Variants in CFAP57 observed in about 807,000 individuals in gnomAD.
CFAP57 encodes cilia and flagella associated protein 57.
In CFAP57, 116 loss-of-function variants were observed where a neutral mutation model predicts 146.8. The observed-to-expected ratio is 0.79, with a 90% CI of 0.68 to 0.92. The LOEUF (loss-of-function observed/expected upper bound fraction) is 0.92. Among genes scored for constraint, CFAP57 ranks in the 40% least tolerant of loss-of-function variants. CFAP57 has a pLI of 0.00. For synonymous variants in CFAP57, 518 were observed against 552.8 expected (o/e 0.94, Z 0.88); for missense variants, 1,377 against 1,527.2 (o/e 0.90, Z 1.64).
intron 2 of CFAP57, among the ~76,000 whole-genome samples, chr1:43,175,420 A>C (rs999768834): frequency 1.3e-5 from 2 of 152,004 alleles, no homozygotes; most frequent in African/African-American, 4.8e-5. Context: ...TCCTGGATCT[A>C]AGGACAGGTA....
intron 22 of CFAP57, among the ~76,000 whole-genome samples, chr1:43,252,763 C>T (rs1646356238): frequency 6.6e-6 from 1 of 152,076 alleles, no homozygotes; most frequent in South Asian, 2.1e-4. Context: ...TCCAAAATTG[C>T]ATAGGCAGAT....
At chr1:43,243,764 C>T (rs1646014716) in intron 22 of CFAP57, among the ~76,000 whole-genome samples, 1 of 152,128 alleles carries the variant, frequency 6.6e-6, no homozygotes, top group Non-Finnish European at 1.5e-5. Context: ...GATCTTCTTG[C>T]ATTTTAGAAT....
At chr1:43,242,772 C>T (rs1210814858) in intron 21 of CFAP57, among the ~76,000 whole-genome samples, 1 of 152,150 alleles carries the variant, frequency 6.6e-6, no homozygotes, top group South Asian at 2.1e-4. Flanking sequence ...AAGTCATATA[C>T]CTCTCTGTGC....
At chr1:43,248,877 A>C in intron 22 of CFAP57, among the ~76,000 whole-genome samples, 1 of 12,992 alleles carries the variant, frequency 7.7e-5, no homozygotes, top group East Asian at 0.045. Context: ...CCATATCATA[A>C]CCTTTTTTTA....
At chr1:43,210,313 A>G (rs1644547752) in intron 11 of CFAP57, 3 of 1,415,650 alleles carry the variant, frequency 2.1e-6, no homozygotes, top group Middle Eastern at 2.6e-4. Flanking sequence ...TGAGGGTACA[A>G]AAGGCCACCC....
At chr1:43,178,002 G>A (rs1288204312) in intron 2 of CFAP57, among the ~76,000 whole-genome samples, 1 of 152,118 alleles carries the variant, frequency 6.6e-6, no homozygotes, top group African/African-American at 2.4e-5. Context: ...TTGGAGGAGT[G>A]GCCAAAAAGA....
At position 43,222,289 on chromosome 1, in the gene CFAP57, G is replaced by A. The variant is rs527492893; in HGVS notation, c.2526G>A (p.Leu842=). The A allele has an allele frequency of 1.1e-4, 156 of 1,437,846 alleles. No homozygotes were observed. Among genetic ancestry groups the A allele is most frequent in the Non-Finnish European group, 1.4e-4 (153 of 1,091,238 alleles). The allele number at this position is 1,437,846 out of a possible 1,614,324, so 89.1% of individuals were successfully genotyped here. The stretch of plus-strand genomic sequence containing the variant: ...AACTGCAGGAGAAAACCACCCTTCT[G>A]GAAGAGGTACTCACAGGAAGCCATG... ...EAKLQEKTTL[L]EEAQEDVRQQ... The change falls in exon 15 of 23, where the codon CTG becomes CTA. Residue 842 remains leucine (L), a synonymous_variant. Coordinates refer to ENST00000372492, the MANE Select transcript of CFAP57 (RefSeq NM_001378189.1).
rs1638629366 is a variant in CFAP57 at position 43,238,536 on chromosome 1, A to G, written c.3405+3898A>G. ...GGATTGGAGGGGATTTTGGAAGTCA[A>G]ACTGACAAGGGAGAGATCAGGAAGA... On this transcript the variant is annotated intron_variant, in intron 21 of 22. Transcript: ENST00000372492. This position sits in a 1 kb window ranked among gnomAD's most constrained non-coding sequence, Gnocchi z 4.3. Among the ~76,000 whole-genome samples the G allele has an allele frequency of 1.3e-5, 2 of 152,098 alleles. No individual in the cohort carries two copies. Among genetic ancestry groups the G allele is most frequent in the African/African-American group, 4.8e-5 (2 of 41,406 alleles).
rs780887775 is a variant in CFAP57 at position 43,199,416 on chromosome 1, G to C, written c.1455G>C (p.Leu485=). 10 of 1,614,012 alleles carry C rather than the reference G, an allele frequency of 6.2e-6. No individual in the cohort carries two copies. The highest frequency in any genetic ancestry group is 7.6e-6 in the Non-Finnish European group (9 of 1,180,050). ...GECSFSNGGH[L]FAAVNGNVIH... is the part of the protein sequence containing the mutation. Reference sequence around the variant, plus strand: ...GTTCCTTTAGCAATGGAGGTCACCTGTTTGCTGCAGTCAATGGAAATGTGA... The same window carrying C: ...GTTCCTTTAGCAATGGAGGTCACCTCTTTGCTGCAGTCAATGGAAATGTGA... Residue 485 remains leucine, a synonymous_variant, in exon 9 of 23, where the codon CTG becomes CTC. Transcript: ENST00000372492.
chr1:43,200,811 C>T (rs994972178), intron 9 of CFAP57, among the ~76,000 whole-genome samples: 16 of 152,126 alleles, frequency 1.1e-4, no homozygotes, highest in African/African-American at 3.6e-4. Flanking sequence ...GTAGTGTATG[C>T]CATGCCAAGG....
At chr1:43,210,903 A>G (rs946814505) in intron 11 of CFAP57, 1 of 151,576 alleles carries the variant, frequency 6.6e-6, no homozygotes, top group African/African-American at 2.4e-5. Flanking sequence ...CCAAGAAATC[A>G]TAGCCAATAG....
In CFAP57 at chr1:43,221,002, C is replaced by G. The variant is rs139861607; in HGVS notation, c.2248-370C>G. Among the ~76,000 whole-genome samples the G allele has an allele frequency of 7.1e-3, 1,085 of 152,238 alleles. 15 individuals are homozygous for G. Among genetic ancestry groups the G allele is most frequent in the African/African-American group, 0.025 (1,041 of 41,532 alleles). On this transcript the variant is annotated intron_variant, in intron 13 of 22. Coordinates refer to ENST00000372492, the MANE Select transcript of CFAP57 (RefSeq NM_001378189.1). ...CCTGCTCAGTTAAAGAAAACACTTCCTCAGAAGCTTACCCATGAGCACAGC... is the reference window on the plus strand; with the variant it reads ...CCTGCTCAGTTAAAGAAAACACTTCGTCAGAAGCTTACCCATGAGCACAGC...
intron 18 of CFAP57, chr1:43,232,028 G>A: frequency 1.4e-6 from 1 of 694,794 alleles, no homozygotes. Flanking sequence ...TAGATGGGTG[G>A]TGCCCACATG....
chr1:43,210,567 C>A, intron 11 of CFAP57: 3 of 325,996 alleles, frequency 9.2e-6, no homozygotes, highest in Non-Finnish European at 9.1e-6. Context: ...TAAATAAGGC[C>A]AACCACAAAA....
Position 43,234,594 on chromosome 1 carries a change from AAGG to A in CFAP57, c.3365_3367del (p.Glu1122del). On this transcript the variant is annotated inframe_deletion, in exon 21 of 23. Transcript: ENST00000372492. ...GGCCACTCTCAAGAAGAAGGTGGTCAAGGAGGGCGAGCTGCACCGCACAGACTA... is the reference window on the plus strand; with the variant it reads ...GGCCACTCTCAAGAAGAAGGTGGTCAAGGGCGAGCTGCACCGCACAGACTA... The A allele has an allele frequency of 6.4e-7, 1 of 1,550,450 alleles. No homozygotes were observed. Among genetic ancestry groups the A allele is most frequent in the Non-Finnish European group, 8.7e-7 (1 of 1,146,930 alleles).
At chr1:43,207,076 C>T in intron 10 of CFAP57, 144 bp downstream of exon 10, 1 of 795,058 alleles carries the variant, frequency 1.3e-6, no homozygotes, top group South Asian at 1.5e-5. Context: ...GCTCCTCATT[C>T]CTTTTAGATT....
At chr1:43,180,202 A>AGCAC (rs1354312242) in intron 2 of CFAP57, among the ~76,000 whole-genome samples, 3 of 142,432 alleles carry the variant, frequency 2.1e-5, no homozygotes, top group African/African-American at 8.2e-5. Flanking sequence ...GTGAAACTCT[A>AGCAC]TCTCAAAAAA....
rs752135098 is a variant in CFAP57 at position 43,238,800 on chromosome 1, C to T, written c.3405+4162C>T. 6.6e-6 allele frequency among the ~76,000 whole-genome samples: 1 copy of T among 152,058 alleles called. No homozygotes were observed. Among genetic ancestry groups the T allele is most frequent in the African/African-American group, 2.4e-5 (1 of 41,388 alleles). ...ACAGCAGAGCCTGGAAAGCAGTAGT[C>T]ACGGAGGAGCAGGGCTCTCTGGATG... On this transcript the variant is annotated intron_variant, in intron 21 of 22. Transcript: ENST00000372492. The surrounding 1 kb of genome is among the most constrained non-coding windows in gnomAD (Gnocchi z 4.3).
rs1177667745 is a variant in CFAP57, at chr1:43,172,804, C to T, written c.51C>T (p.His17=). The change falls in exon 2 of 23, where the codon CAC becomes CAT. Residue 17 remains histidine (H), a synonymous_variant. Coordinates refer to ENST00000372492, the MANE Select transcript of CFAP57 (RefSeq NM_001378189.1). ...QTLHVFGLRS[H]VANNIFYFDE... is the part of the protein sequence containing the mutation. ...TGCATGTTTTTGGTCTTCGATCCCACGTGGCCAACAATATCTTCTACTTCG... is the reference window on the plus strand; with the variant it reads ...TGCATGTTTTTGGTCTTCGATCCCATGTGGCCAACAATATCTTCTACTTCG... 1.2e-6 allele frequency: 2 copies of T among 1,614,104 alleles called. No homozygotes were observed. Among genetic ancestry groups the T allele is most frequent in the East Asian group, 4.5e-5 (2 of 44,886 alleles).
Sources: allele counts gnomAD v4.1 joint callset (sites outside exome capture counted in the v4.1 genomes callset), GRCh38; gene constraint gnomAD v4.1.1; non-coding constraint Gnocchi (gnomAD v3.1); transcripts MANE v1.5; gene names NCBI Gene and HGNC (gene_info 2026-07-23, HGNC 2026-07-21).